Variants in SNX29 observed in about 807,000 individuals in gnomAD.
The protein encoded by SNX29 is sorting nexin 29, also known as sorting nexin-29.
In SNX29, 78 loss-of-function variants were observed where a neutral mutation model predicts 102.1. The observed-to-expected ratio is 0.76, with a 90% CI of 0.64 to 0.92. The LOEUF (loss-of-function observed/expected upper bound fraction) is 0.92, where lower values mean the gene tolerates loss of function less well. Among genes scored for constraint, SNX29 ranks in the 40% least tolerant of loss-of-function variants. SNX29 has a pLI of 0.00. For missense variants in SNX29, 1,280 were observed against 1,061.7 expected (o/e 1.21, Z -2.86); for synonymous variants, 580 against 414.5 (o/e 1.40, Z -4.85).
intron 17 of SNX29, among the ~76,000 whole-genome samples, chr16:12,399,484 C>T (rs868481303): frequency 3.3e-5 from 5 of 152,186 alleles, no homozygotes; most frequent in Non-Finnish European, 7.3e-5. Context: ...AAGAAAAGCC[C>T]GGGAAAAGTC....
chr16:12,550,653 A>T (rs1046715698), intron 20 of SNX29, among the ~76,000 whole-genome samples: 2 of 152,138 alleles, frequency 1.3e-5, no homozygotes, highest in Non-Finnish European at 2.9e-5. Flanking sequence ...ACCGTCACTT[A>T]GTGGAGGACC....
At chr16:11,996,899 C>A (rs1198263961) in intron 1 of SNX29, among the ~76,000 whole-genome samples, 1 of 152,098 alleles carries the variant, frequency 6.6e-6, no homozygotes, top group East Asian at 1.9e-4. Flanking sequence ...TTGATCGAAA[C>A]CTCTTCCAGA....
intron 15 of SNX29, among the ~76,000 whole-genome samples, chr16:12,302,832 C>T (rs2080222090): frequency 6.6e-6 from 1 of 152,212 alleles, no homozygotes; most frequent in Non-Finnish European, 1.5e-5. Flanking sequence ...TAAAAGACAT[C>T]TCATCAGTGC....
chr16:12,335,021 T>C (rs1170868354), intron 15 of SNX29, among the ~76,000 whole-genome samples: 1 of 147,252 alleles, frequency 6.8e-6, no homozygotes, highest in Non-Finnish European at 1.5e-5. Context: ...AAACAAACCC[T>C]GCCAAGATGC....
chr16:12,558,287 G>T (rs1323849304), intron 20 of SNX29, among the ~76,000 whole-genome samples: 1 of 152,112 alleles, frequency 6.6e-6, no homozygotes, highest in African/African-American at 2.4e-5. Flanking sequence ...AGCCAGCTCT[G>T]AAACGCGAGA....
intron 3 of SNX29, among the ~76,000 whole-genome samples, chr16:12,003,494 A>G (rs917834681): frequency 1.3e-5 from 2 of 152,186 alleles, no homozygotes; most frequent in Admixed American, 6.5e-5. Context: ...GTGATTTAAA[A>G]ATTACATATA....
intron 14 of SNX29, among the ~76,000 whole-genome samples, chr16:12,240,617 GA>G (rs1170781532): frequency 3.7e-5 from 2 of 53,494 alleles, no homozygotes; most frequent in Admixed American, 2.7e-4. Flanking sequence ...TTTTTTGTGA[GA>G]CGGAGTCTCG....
rs2052403897 is a variant in SNX29 at position 12,089,642 on chromosome 16, G to A, written c.1402+10727G>A. On this transcript the variant is annotated intron_variant, in intron 11 of 20. Coordinates refer to ENST00000566228, the MANE Select transcript of SNX29 (RefSeq NM_032167.5). ...GGTGGCGGGTGGTACCGCTGGCATT[G>A]CGCTGCCAGAAGTGAGGGGGAGAGT... The A allele has an allele frequency of 3.2e-5, 6 of 188,536 alleles. No homozygotes were observed. The South Asian group carries it at 3.9e-4, about 12-fold the overall frequency. The allele number at this position is 188,536 out of a possible 1,614,324, so 11.7% of individuals were successfully genotyped here.
intron 18 of SNX29, among the ~76,000 whole-genome samples, chr16:12,405,093 C>G (rs977317131): frequency 6.6e-6 from 1 of 152,196 alleles, no homozygotes; most frequent in Admixed American, 6.5e-5. Flanking sequence ...CCCCCACAAA[C>G]CCAACTTTCT....
At chr16:12,566,233 A>C (rs559636796) in intron 20 of SNX29, among the ~76,000 whole-genome samples, 9 of 152,326 alleles carry the variant, frequency 5.9e-5, no homozygotes, top group South Asian at 2.1e-4. Context: ...TGTCATCCCC[A>C]AATGACAGAC....
At chr16:12,539,996 T>TA (rs2077254885) in intron 20 of SNX29, among the ~76,000 whole-genome samples, 1 of 152,036 alleles carries the variant, frequency 6.6e-6, no homozygotes, top group Non-Finnish European at 1.5e-5. Flanking sequence ...TTCAGCTTCT[T>TA]TTCAGTGTCT....
At chr16:12,085,793 C>G (rs2052142614) in intron 11 of SNX29, among the ~76,000 whole-genome samples, 1 of 152,134 alleles carries the variant, frequency 6.6e-6, no homozygotes, top group Non-Finnish European at 1.5e-5. Flanking sequence ...CTCATTGAAT[C>G]CCCCAGCAGC....
At chr16:12,255,178 T>G (rs907247447) in intron 14 of SNX29, among the ~76,000 whole-genome samples, 5 of 150,280 alleles carry the variant, frequency 3.3e-5, no homozygotes, top group Non-Finnish European at 6.0e-5. Context: ...TCTTCACAAT[T>G]TTCAAGGAAA....
At chr16:12,405,407 G>A (rs1421779691) in intron 18 of SNX29, among the ~76,000 whole-genome samples, 15 of 152,254 alleles carry the variant, frequency 9.9e-5, no homozygotes, top group Middle Eastern at 3.4e-3. Context: ...CGTCCTTTAC[G>A]GTGTGAAGCT....
intron 14 of SNX29, among the ~76,000 whole-genome samples, chr16:12,234,869 G>C (rs186360101): frequency 1.3e-5 from 2 of 152,306 alleles, no homozygotes; most frequent in African/African-American, 4.8e-5. Context: ...ATGATGGGAT[G>C]ATGACTTCCT....
At chr16:12,450,235 C>T (rs2151710727) in intron 18 of SNX29, among the ~76,000 whole-genome samples, 1 of 152,298 alleles carries the variant, frequency 6.6e-6, no homozygotes, top group Non-Finnish European at 1.5e-5. Context: ...GCAGTGAGAA[C>T]AGACTAATAC....
At chr16:12,304,177 T>TG (rs1383149312) in intron 15 of SNX29, among the ~76,000 whole-genome samples, 57 of 149,082 alleles carry the variant, frequency 3.8e-4, no homozygotes, top group Non-Finnish European at 6.5e-4. Context: ...TATCACTGTT[T>TG]TTTGTTTTTT....
intron 13 of SNX29, among the ~76,000 whole-genome samples, chr16:12,159,522 C>T (rs760268551): frequency 9.2e-5 from 14 of 152,160 alleles, no homozygotes; most frequent in Non-Finnish European, 1.8e-4. Context: ...TGGACCACAT[C>T]TGCATAGAGA....
At chr16:12,558,746 C>A (rs192233762) in intron 20 of SNX29, among the ~76,000 whole-genome samples, 13 of 152,332 alleles carry the variant, frequency 8.5e-5, no homozygotes, top group African/African-American at 2.9e-4. Context: ...CTAGGCTGTC[C>A]CAGGCCCATT....
Sources: gnomAD v4.1 joint callset for allele counts (sites outside exome capture counted in the v4.1 genomes callset) on GRCh38, gnomAD v4.1.1 for gene constraint, MANE v1.5 for transcripts, NCBI Gene and HGNC (gene_info 2026-07-23, HGNC 2026-07-21) for gene names.